The following PCSK9 variants were observed in gnomAD, a reference collection of about 807,000 sequenced individuals.
PCSK9 encodes convertase subtilisin/kexin type 9 preproprotein.
A neutral mutation model predicts 62.1 loss-of-function variants in PCSK9; 57 were observed. The ratio of observed to expected loss-of-function variants is 0.92; its 90% confidence interval spans 0.74 to 1.14. The LOEUF (loss-of-function observed/expected upper bound fraction) is 1.14. PCSK9 is among the 50% of genes most tolerant of loss of function. The pLI is 0.00. For missense variants in PCSK9, 870 were observed against 959.8 expected (o/e 0.91, Z 1.24); for synonymous variants, 387 against 409.4 (o/e 0.95, Z 0.66).
chr1:55,040,157 C>A lies in PCSK9; in HGVS notation c.207+113C>A. 1 of 1,359,742 alleles carries A rather than the reference C, an allele frequency of 7.4e-7. No individual in the cohort carries two copies. Among genetic ancestry groups the A allele is most frequent in the Non-Finnish European group, 1.0e-6 (1 of 997,382 alleles). The allele number at this position is 1,359,742 out of a possible 1,614,324, so 84.2% of individuals were successfully genotyped here. A position where few individuals can be genotyped will look rare whatever the true frequency, so the allele number is the denominator to read the frequency against. ...GTAAGAGAGGAAGTGGAGTGCAGGT[C>A]GCCGAGGGCTCTTCGCTTGGCACGA... On this transcript the variant is annotated intron_variant, in intron 1 of 11. Coordinates refer to ENST00000302118, the MANE Select transcript of PCSK9 (RefSeq NM_174936.4). This position sits in a 1 kb window ranked among gnomAD's most constrained non-coding sequence, Gnocchi z 4.1.
rs757510932 is a variant in PCSK9 at position 55,052,390 on chromosome 1, C to T, written c.636C>T (p.Asp212=). ...VTDFENVPEE[D]GTRFHRQASK... ...ACTTCGAGAATGTGCCCGAGGAGGA[C>T]GGGACCCGCTTCCACAGACAGGTAA... Residue 212 remains aspartate (D), a synonymous_variant, in exon 4 of 12, where the codon GAC becomes GAT. Transcript: ENST00000302118. 24 of 1,613,586 alleles carry T rather than the reference C, an allele frequency of 1.5e-5. No individual in the cohort carries two copies. The highest frequency in any genetic ancestry group is 3.3e-4 in the Middle Eastern group (2 of 6,084).
chr1:55,056,867 G>A (rs1474757061), intron 6 of PCSK9, among the ~76,000 whole-genome samples: 1 of 152,142 alleles, frequency 6.6e-6, no homozygotes, highest in African/African-American at 2.4e-5. Flanking sequence ...GTGTGTGTGC[G>A]TGCGCGCGCG....
At chr1:55,056,220 GGGTAGGGGGCGGA>G in intron 6 of PCSK9, 31 bp downstream of exon 6, 1 of 1,028,268 alleles carries the variant, frequency 9.7e-7, no homozygotes. Flanking sequence ...CCCAAGGCGC[GGGTAGGGGGCGGA>G]GGGCGGAGGG....
chr1:55,045,236 A>G (rs1644625295), intron 2 of PCSK9, among the ~76,000 whole-genome samples: 1 of 152,008 alleles, frequency 6.6e-6, no homozygotes, highest in African/African-American at 2.4e-5. Context: ...AGGCAAACAG[A>G]AGGCTGCAGG....
intron 8 of PCSK9, 65 bp from the exon 9 acceptor site, chr1:55,058,434 T>TAA: frequency 6.2e-7 from 1 of 1,608,146 alleles, no homozygotes; most frequent in Non-Finnish European, 8.5e-7. Context: ...TACCATGAAC[T>TAA]AAAGATTTCT....
intron 5 of PCSK9, among the ~76,000 whole-genome samples, chr1:55,054,593 C>T (rs561233571): frequency 1.3e-5 from 2 of 152,290 alleles, no homozygotes; most frequent in Non-Finnish European, 2.9e-5. Flanking sequence ...TCCCACACCT[C>T]ATTTGACAGG....
At chr1:55,061,247 T>G (rs1212363229) in intron 10 of PCSK9, 128 bp from the exon 11 acceptor site, 3 of 1,084,616 alleles carry the variant, frequency 2.8e-6, no homozygotes, top group Non-Finnish European at 3.9e-6. Flanking sequence ...TCTCTTTTTT[T>G]CTTTGAGTTG....
chr1:55,039,925 G>T lies in PCSK9; in HGVS notation c.88G>T (p.Ala30Ser). 4 of 1,570,446 alleles carry T rather than the reference G, an allele frequency of 2.5e-6. No individual in the cohort carries two copies. Among genetic ancestry groups the T allele is most frequent in the Non-Finnish European group, 3.5e-6 (4 of 1,158,958 alleles). ...LLLLGPAGAR[A>S]QEDEDGDYEE... ...GCTCCTGGGTCCCGCGGGCGCCCGTGCGCAGGAGGACGAGGACGGCGACTA... is the reference window on the plus strand; with the variant it reads ...GCTCCTGGGTCCCGCGGGCGCCCGTTCGCAGGAGGACGAGGACGGCGACTA... Residue 30 changes from alanine (A) to serine (S), a missense_variant, in exon 1 of 12, where the codon GCG becomes TCG. Coordinates refer to ENST00000302118, the MANE Select transcript of PCSK9 (RefSeq NM_174936.4).
intron 6 of PCSK9, 151 bp downstream of exon 6, chr1:55,056,340 C>A (rs993128476): frequency 2.2e-5 from 20 of 903,334 alleles, no homozygotes; most frequent in South Asian, 5.3e-5. Flanking sequence ...TGGAAGGAGT[C>A]GTCAGAGACC....
intron 9 of PCSK9, 120 bp downstream of exon 9, chr1:55,058,767 C>T: frequency 6.6e-7 from 1 of 1,524,168 alleles, no homozygotes; most frequent in Non-Finnish European, 8.8e-7. Flanking sequence ...ATCCTCCAGA[C>T]TCCAGCTCTT....
rs200091654 is a variant in PCSK9 at position 55,058,061 on chromosome 1, C to T, written c.1206C>T (p.Ala402=). Residue 402 remains alanine, a synonymous_variant, in exon 8 of 12, where the codon GCC becomes GCT. Coordinates refer to ENST00000302118, the MANE Select transcript of PCSK9 (RefSeq NM_174936.4). ...VAGIAAMMLS[A]EPELTLAELR... ...GCATTGCAGCCATGATGCTGTCTGC[C>T]GAGCCGGAGCTCACCCTGGCCGAGT... 1.2e-4 allele frequency: 192 copies of T among 1,613,776 alleles called. No individual in the cohort carries two copies. The highest frequency in any genetic ancestry group is 2.0e-4 in the Admixed American group (12 of 60,034).
rs371914056 is a variant in PCSK9, at chr1:55,063,485, C to A, written c.1980C>A (p.Asp660Glu). The A allele has an allele frequency of 1.2e-6, 2 of 1,613,986 alleles. No homozygotes were observed. The change falls in exon 12 of 12, where the codon GAC (aspartate) becomes GAA (glutamate). Residue 660 changes from aspartate (D) to glutamate (E), a missense_variant. Transcript: ENST00000302118. ...VDNTCVVRSR[D>E]VSTTGSTSEG... ...ACACGTGTGTAGTCAGGAGCCGGGA[C>A]GTCAGCACTACAGGCAGCACCAGCG... is the stretch of plus-strand genomic sequence containing the variant.
intron 5 of PCSK9, 113 bp from the exon 6 acceptor site, chr1:55,055,880 T>A (rs1644710109): frequency 9.3e-7 from 1 of 1,081,038 alleles, no homozygotes; most frequent in Non-Finnish European, 1.3e-6. Flanking sequence ...TGACCAAACA[T>A]CAGGCCACAA....
chr1:55,055,451 TAGAC>T (rs758252289), intron 5 of PCSK9, among the ~76,000 whole-genome samples: 2 of 152,326 alleles, frequency 1.3e-5, no homozygotes, highest in Non-Finnish European at 2.9e-5. Flanking sequence ...TTCAGACGCT[TAGAC>T]AGAGCCAGGC....
rs370751343 is a variant in PCSK9 at position 55,043,952 on chromosome 1, G to T, written c.317G>T (p.Gly106Val). 16 of 1,614,094 alleles carry T rather than the reference G, an allele frequency of 9.9e-6. No individual in the cohort carries two copies. The African/African-American group carries it at 2.0e-4, about 20-fold the overall frequency. Residue 106 changes from glycine (G) to valine (V), a missense_variant, in exon 2 of 12, where the codon GGA becomes GTA. Coordinates refer to ENST00000302118, the MANE Select transcript of PCSK9 (RefSeq NM_174936.4). ...CTGCAGGCCCAGGCTGCCCGCCGGG[G>T]ATACCTCACCAAGATCCTGCATGTC... ...RRLQAQAARR[G>V]YLTKILHVFH...
rs1644590210 is a variant in PCSK9, at chr1:55,040,344, G to C, written c.207+300G>C. 6.6e-6 allele frequency among the ~76,000 whole-genome samples: 1 copy of C among 152,230 alleles called. No individual in the cohort carries two copies. Among genetic ancestry groups the C allele is most frequent in the East Asian group, 1.9e-4 (1 of 5,190 alleles). ...AGACCCGGAGGCCGAGGAAGGGCGA[G>C]CAGAGCACTGCCAGGATATCCTGCC... On this transcript the variant is annotated intron_variant, in intron 1 of 11. Transcript: ENST00000302118. The surrounding 1 kb of genome is among the most constrained non-coding windows in gnomAD (Gnocchi z 4.1).
rs1310931476 is a variant in PCSK9, at chr1:55,052,649, GGCCA to G, written c.660_663del (p.Lys222ValfsTer44). 1.2e-6 allele frequency: 2 copies of G among 1,613,064 alleles called. No individual in the cohort carries two copies. The highest frequency in any genetic ancestry group is 3.3e-5 in the Admixed American group (2 of 60,014). On this transcript the variant is annotated frameshift_variant and splice_region_variant, in exon 5 of 12. Transcript: ENST00000302118. LOFTEE classifies it high-confidence loss of function. ...ATGTGGTCCTTGTGTTCGTCGAGCA[GGCCA>G]GCAAGTGTGACAGTCATGGCACCCA...
At chr1:55,042,186 T>C (rs1171550193) in intron 1 of PCSK9, among the ~76,000 whole-genome samples, 4 of 151,792 alleles carry the variant, frequency 2.6e-5, no homozygotes, top group Non-Finnish European at 5.9e-5. Flanking sequence ...ACCTCCTCAG[T>C]GGATCCGAGG....
At chr1:55,055,285 C>T (rs1173694402) in intron 5 of PCSK9, among the ~76,000 whole-genome samples, 1 of 151,710 alleles carries the variant, frequency 6.6e-6, no homozygotes, top group Non-Finnish European at 1.5e-5. Flanking sequence ...CTTGCGGCCA[C>T]GGTGGAGGGG....
Sources: gnomAD v4.1 joint callset for allele counts (sites outside exome capture counted in the v4.1 genomes callset) on GRCh38, gnomAD v4.1.1 for gene constraint, Gnocchi (gnomAD v3.1) non-coding constraint, MANE v1.5 for transcripts, NCBI Gene and HGNC (gene_info 2026-07-23, HGNC 2026-07-21) for gene names.